Variants in DNM3 observed in about 807,000 individuals in gnomAD.
The protein encoded by DNM3 is dynamin 3.
Under a neutral mutation model 101.6 loss-of-function variants are expected in DNM3, and 47 were observed. The observed-to-expected ratio is 0.46, with a 90% CI of 0.37 to 0.59. The LOEUF is 0.59. Ranked by LOEUF, DNM3 falls within the 20% of genes least tolerant of loss-of-function variation. The pLI, the probability that DNM3 is intolerant of heterozygous loss-of-function variation, is 0.00. For missense variants in DNM3, 849 were observed against 1,085.7 expected (o/e 0.78, Z 3.06); for synonymous variants, 385 against 387.9 (o/e 0.99, Z 0.09).
chr1:172,018,394 G>A (rs2047596061), intron 4 of DNM3, among the ~76,000 whole-genome samples: 1 of 152,054 alleles, frequency 6.6e-6, no homozygotes, highest in Non-Finnish European at 1.5e-5. Context: ...CTAAGTGGTT[G>A]CTCTAGAATT....
chr1:172,245,433 G>A (rs193097358), intron 14 of DNM3, among the ~76,000 whole-genome samples: 14 of 152,290 alleles, frequency 9.2e-5, no homozygotes, highest in Non-Finnish European at 2.1e-4. Flanking sequence ...CAAGCACAAG[G>A]GATCAGATGG....
intron 1 of DNM3, among the ~76,000 whole-genome samples, chr1:171,860,367 C>G (rs1480047234): frequency 6.6e-6 from 1 of 151,994 alleles, no homozygotes; most frequent in Non-Finnish European, 1.5e-5. Flanking sequence ...GAGATGTGCT[C>G]TAAGTGTAAA....
chr1:172,244,524 C>A (rs2061874256), intron 14 of DNM3, among the ~76,000 whole-genome samples: 2 of 151,502 alleles, frequency 1.3e-5, no homozygotes, highest in African/African-American at 4.9e-5. Flanking sequence ...AACAAACAAC[C>A]CCATCAAAAA....
At position 172,387,214 on chromosome 1, in the gene DNM3, G is replaced by A. The variant is rs2069232721; in HGVS notation, c.2140G>A (p.Glu714Lys). 1.2e-6 allele frequency: 2 copies of A among 1,614,016 alleles called. No individual in the cohort carries two copies. Among genetic ancestry groups the A allele is most frequent in the East Asian group, 2.2e-5 (1 of 44,876 alleles). The change falls in exon 19 of 21, where the codon GAG becomes AAG. Residue 714 changes from glutamate (E) to lysine (K), a missense_variant. This residue lies in a region of DNM3 where 256 missense variants were observed against 311.7 expected (regional missense o/e 0.82). Coordinates refer to ENST00000627582, the MANE Select transcript of DNM3 (RefSeq NM_015569.5). ...AAATACCCTGATGGAGGAATCTGCTGAGCAGGCTCAGCGCCGGGATGAGAT... is the reference window on the plus strand; with the variant it reads ...AAATACCCTGATGGAGGAATCTGCTAAGCAGGCTCAGCGCCGGGATGAGAT... Reference protein sequence around the residue: ...DQNTLMEESAEQAQRRDEMLR... With the variant: ...DQNTLMEESAKQAQRRDEMLR...
chr1:171,895,029 G>A (rs2037654323), intron 1 of DNM3, among the ~76,000 whole-genome samples: 1 of 152,126 alleles, frequency 6.6e-6, no homozygotes, highest in Non-Finnish European at 1.5e-5. Flanking sequence ...TCTTAATCCA[G>A]TCTATCATTG....
intron 10 of DNM3, among the ~76,000 whole-genome samples, chr1:172,065,457 T>C (rs924642176): frequency 2.6e-5 from 4 of 152,348 alleles, no homozygotes; most frequent in South Asian, 2.1e-4. Context: ...AGGTTTGCAC[T>C]AGTCAAGAAG....
At chr1:172,324,373 T>C (rs2065857303) in intron 17 of DNM3, among the ~76,000 whole-genome samples, 2 of 152,232 alleles carry the variant, frequency 1.3e-5, no homozygotes, top group Admixed American at 1.3e-4. Flanking sequence ...GGAAATCTTT[T>C]GCAGTTTAAT....
At chr1:172,170,750 A>G (rs1360216525) in intron 14 of DNM3, among the ~76,000 whole-genome samples, 1 of 151,784 alleles carries the variant, frequency 6.6e-6, no homozygotes, top group Admixed American at 6.6e-5. Flanking sequence ...CACCTTCTCT[A>G]GTCTGCCCAC....
intron 17 of DNM3, among the ~76,000 whole-genome samples, chr1:172,346,319 C>G (rs2066937145): frequency 6.6e-6 from 1 of 152,048 alleles, no homozygotes; most frequent in Non-Finnish European, 1.5e-5. Context: ...AACTGAAGGT[C>G]CATAGCTATG....
At chr1:172,168,113 A>G (rs1256535347) in intron 14 of DNM3, among the ~76,000 whole-genome samples, 1 of 152,052 alleles carries the variant, frequency 6.6e-6, no homozygotes, top group African/African-American at 2.4e-5. Flanking sequence ...CTATTTCAGA[A>G]TAAAACAAAC....
intron 8 of DNM3, among the ~76,000 whole-genome samples, chr1:172,042,946 C>G (rs2049497521): frequency 6.6e-6 from 1 of 152,062 alleles, no homozygotes; most frequent in Non-Finnish European, 1.5e-5. Flanking sequence ...GTGAGGAGAA[C>G]AGTAGGCCAG....
At chr1:172,182,068 T>C (rs764337046) in intron 14 of DNM3, among the ~76,000 whole-genome samples, 5 of 152,032 alleles carry the variant, frequency 3.3e-5, no homozygotes, top group African/African-American at 4.8e-5. Context: ...TTTTTGGTTA[T>C]AACGAACTGG....
chr1:172,096,567 G>T (rs1248024356), intron 13 of DNM3, among the ~76,000 whole-genome samples: 4 of 152,202 alleles, frequency 2.6e-5, no homozygotes, highest in Admixed American at 2.6e-4. Context: ...AATGCATCAA[G>T]ATTTATGATT....
intron 4 of DNM3, among the ~76,000 whole-genome samples, chr1:172,024,197 A>G (rs1440973186): frequency 6.6e-6 from 1 of 152,040 alleles, no homozygotes; most frequent in Non-Finnish European, 1.5e-5. Context: ...ATTTTCACAA[A>G]AGTTTCTATT....
intron 14 of DNM3, among the ~76,000 whole-genome samples, chr1:172,161,311 A>T (rs896543976): frequency 2.0e-5 from 3 of 151,870 alleles, no homozygotes; most frequent in African/African-American, 7.2e-5. Flanking sequence ...GAATGGCACT[A>T]GGAAGGAAGA....
intron 17 of DNM3, among the ~76,000 whole-genome samples, chr1:172,340,921 T>C (rs539624952): frequency 6.6e-6 from 1 of 152,218 alleles, no homozygotes; most frequent in African/African-American, 2.4e-5. Flanking sequence ...CCATTCAGTA[T>C]GTTGTTGACT....
chr1:172,235,189 T>C (rs954967175), intron 14 of DNM3, among the ~76,000 whole-genome samples: 3 of 152,118 alleles, frequency 2.0e-5, no homozygotes, highest in Admixed American at 6.6e-5. Flanking sequence ...GGGCAAAGGA[T>C]ATGAGCAGAC....
chr1:172,343,987 TG>T (rs376551335), intron 17 of DNM3, among the ~76,000 whole-genome samples: 216 of 152,322 alleles, frequency 1.4e-3, no homozygotes, highest in African/African-American at 5.0e-3. Context: ...TTCCTTCAGC[TG>T]GTCAATTTGG....
chr1:172,359,738 C>T (rs1005609986), intron 17 of DNM3, among the ~76,000 whole-genome samples: 1 of 151,814 alleles, frequency 6.6e-6, no homozygotes, highest in Non-Finnish European at 1.5e-5. Context: ...AATATCTGCA[C>T]GTTTCTTATG....
Sources: allele counts gnomAD v4.1 joint callset (sites outside exome capture counted in the v4.1 genomes callset), GRCh38; gene constraint gnomAD v4.1.1; regional missense constraint gnomAD v4.1.1; transcripts MANE v1.5; gene names NCBI Gene and HGNC (gene_info 2026-07-23, HGNC 2026-07-21).